GPX4: variants seen among roughly 807,000 people sequenced by gnomAD.
GPX4 encodes the protein phospholipid hydroperoxide glutathione peroxidase GPX4.
Under a neutral mutation model 27.8 loss-of-function variants are expected in GPX4, and 28 were observed. The observed-to-expected ratio is 1.01, with a 90% confidence interval of 0.75 to 1.38. GPX4 has a LOEUF of 1.38. GPX4 is among the 40% of genes most tolerant of loss of function. The probability of loss-of-function intolerance (pLI) is 0.00; values close to 1 mark genes in which losing one functional copy is unlikely to be tolerated. For missense variants in GPX4, 357 were observed against 274.1 expected (o/e 1.30, Z -2.14); for synonymous variants, 163 against 107.8 (o/e 1.51, Z -3.17).
chr19:1,106,343 G>A (rs1214959903), intron 5 of GPX4, 57 bp from the exon 6 acceptor site: 1 of 1,610,948 alleles, frequency 6.2e-7, no homozygotes, highest in East Asian at 2.2e-5. Flanking sequence ...GGACAGGAAG[G>A]GCAGCCTCAG....
intron 4 of GPX4, 45 bp from the exon 5 acceptor site, chr19:1,106,197 T>C: frequency 6.6e-7 from 1 of 1,516,912 alleles, no homozygotes. Context: ...TTGGGGACTG[T>C]GGGGGGCTGC....
At position 1,105,744 on chromosome 19, in the gene GPX4, G is replaced by C. The variant is rs773985714; in HGVS notation, c.411G>C (p.Gly137=). ...TGTTCAGCAAGATCTGCGTGAACGG[G>C]GACGACGCCCACCCGCTGTGGAAGT... is the stretch of plus-strand genomic sequence containing the variant. ...FDMFSKICVN[G]DDAHPLWKWM... Residue 137 remains glycine (G), a synonymous_variant, in exon 4 of 7, where the codon GGG becomes GGC. Transcript: ENST00000354171. 6.9e-6 allele frequency: 11 copies of C among 1,601,042 alleles called. No individual in the cohort carries two copies. The East Asian group carries it at 1.1e-4, about 16-fold the overall frequency.
At chr19:1,104,271 G>T in intron 1 of GPX4, 144 bp downstream of exon 1, 1 of 722,430 alleles carries the variant, frequency 1.4e-6, no homozygotes, top group Non-Finnish European at 2.0e-6. Context: ...CCCACCCCCG[G>T]CCGGGCACGG....
chr19:1,104,119 G>T lies in GPX4; in HGVS notation c.76G>T (p.Gly26Trp). ...CGALAAPGLA[G>W]TMCASRDDWR... ...GGCTCTGGCCGCGCCTGGCCTGGCC[G>T]GGACCATGGTGAGCTAGCGCCGCGG... Residue 26 changes from glycine (G) to tryptophan (W), a missense_variant, in exon 1 of 7, where the codon GGG becomes TGG. Physicochemically the swap from Gly to Trp is radical, Grantham distance 184. Transcript: ENST00000354171. 4.0e-6 allele frequency: 6 copies of T among 1,487,006 alleles called. No homozygotes were observed. The highest frequency in any genetic ancestry group is 2.7e-6 in the Non-Finnish European group (3 of 1,125,262). The allele number at this position is 1,487,006 out of a possible 1,614,324, so 92.1% of individuals were successfully genotyped here.
intron 4 of GPX4, 123 bp downstream of exon 4, chr19:1,105,932 A>ACT (rs959981456): frequency 1.7e-6 from 2 of 1,189,044 alleles, no homozygotes; most frequent in African/African-American, 3.2e-5. Flanking sequence ...AGGTGCTGGG[A>ACT]CTCTCACATC....
Position 1,105,525 on chromosome 19 carries a change from C to A in GPX4, c.324+15C>A, listed in dbSNP as rs8178972. ...TCGGGAAGCAGGTGGGCTGCTGCGT[C>A]CCCGGGGCCCGCAGAGGCGGGTGGG... On this transcript the variant is annotated intron_variant, in intron 3 of 6. Coordinates refer to ENST00000354171, the MANE Select transcript of GPX4 (RefSeq NM_002085.5). 4 of 1,611,698 alleles carry A rather than the reference C, an allele frequency of 2.5e-6. No homozygotes were observed. Among genetic ancestry groups the A allele is most frequent in the Admixed American group, 3.3e-5 (2 of 59,976 alleles).
rs773134735 is a variant in GPX4, at chr19:1,105,256, A to C, written c.155A>C (p.His52Pro). ...HEFSAKDIDGHMVNLDKYRGF... is the reference protein window; with the variant it reads ...HEFSAKDIDGPMVNLDKYRGF... ...TTTTCCGCCAAGGACATCGACGGGC[A>C]CATGGTTAACCTGGACAAGTACCGG... Residue 52 changes from histidine (H) to proline (P), a missense_variant, in exon 2 of 7, where the codon CAC becomes CCC. By Grantham distance (77) the His-to-Pro change is moderately conservative. Coordinates refer to ENST00000354171, the MANE Select transcript of GPX4 (RefSeq NM_002085.5). 6.2e-7 allele frequency: 1 copy of C among 1,613,054 alleles called. No homozygotes were observed.
At chr19:1,106,301 C>T (rs1194956781) in intron 5 of GPX4, 35 bp downstream of exon 5, 3 of 1,605,064 alleles carry the variant, frequency 1.9e-6, no homozygotes, top group Non-Finnish European at 2.6e-6. Flanking sequence ...GACCAGCTTC[C>T]CCTGGCCACA....
In GPX4 at chr19:1,106,757, G is replaced by C; in HGVS notation, c.*185G>C. 1 of 700,938 alleles carries C rather than the reference G, an allele frequency of 1.4e-6. No individual in the cohort carries two copies. Among genetic ancestry groups the C allele is most frequent in the South Asian group, 1.9e-5 (1 of 53,108 alleles). 43.4% of individuals were successfully genotyped at this position (700,938 alleles called of 1,614,324 possible). Reference sequence around the variant, plus strand: ...CGGCGCCCCCACCCCTGGCTACCTTGTGGGAATAAACAGACAAATTAGCCT... The same window carrying C: ...CGGCGCCCCCACCCCTGGCTACCTTCTGGGAATAAACAGACAAATTAGCCT... On this transcript the variant is annotated 3_prime_UTR_variant, in exon 7 of 7. Coordinates refer to ENST00000354171, the MANE Select transcript of GPX4 (RefSeq NM_002085.5).
intron 1 of GPX4, chr19:1,104,657 A>C (rs970055330): frequency 1.1e-5 from 11 of 984,910 alleles, no homozygotes; most frequent in Non-Finnish European, 1.3e-5. Flanking sequence ...CGCAGTCCTG[A>C]CTACGGCCTC....
In GPX4 at chr19:1,104,023, C is replaced by G; in HGVS notation, c.-21C>G. 2.0e-6 allele frequency: 3 copies of G among 1,516,510 alleles called. No homozygotes were observed. The highest frequency in any genetic ancestry group is 2.6e-6 in the Non-Finnish European group (3 of 1,138,288). The allele number at this position is 1,516,510 out of a possible 1,614,324, so 93.9% of individuals were successfully genotyped here. ...GTCGGCTGGACGAGGGGAGGAGCCG[C>G]TGGCTCCCAGCCCCGCCGCGATGAG... On this transcript the variant is annotated 5_prime_UTR_variant, in exon 1 of 7. Coordinates refer to ENST00000354171, the MANE Select transcript of GPX4 (RefSeq NM_002085.5).
In GPX4 at chr19:1,106,600, C is replaced by T. The variant is rs750709533; in HGVS notation, c.*28C>T. 11 of 1,612,758 alleles carry T rather than the reference C, an allele frequency of 6.8e-6. No individual in the cohort carries two copies. The African/African-American group carries it at 1.5e-4, about 22-fold the overall frequency. Reference sequence around the variant, plus strand: ...CCACAAGTGTGTGGCCCCGCCCGAGCCCCTGCCCACGCCCTTGGAGCCTTC... The same window carrying T: ...CCACAAGTGTGTGGCCCCGCCCGAGTCCCTGCCCACGCCCTTGGAGCCTTC... On this transcript the variant is annotated 3_prime_UTR_variant, in exon 7 of 7. Transcript: ENST00000354171.
chr19:1,105,477 C>A lies in GPX4; in HGVS notation c.291C>A (p.Ile97=). 1 of 1,612,720 alleles carries A rather than the reference C, an allele frequency of 6.2e-7. No individual in the cohort carries two copies. The highest frequency in any genetic ancestry group is 1.1e-5 in the South Asian group (1 of 91,078). Reference sequence around the variant, plus strand: ...GATACGCTGAGTGTGGTTTGCGGATCCTGGCCTTCCCGTGTAACCAGTTCG... The same window carrying A: ...GATACGCTGAGTGTGGTTTGCGGATACTGGCCTTCCCGTGTAACCAGTTCG... ...HARYAECGLR[I]LAFPCNQFGK... The change falls in exon 3 of 7, where the codon ATC becomes ATA. Residue 97 remains isoleucine, a synonymous_variant. Transcript: ENST00000354171.
rs769428770 is a variant in GPX4 at position 1,106,573 on chromosome 19, C to A, written c.*1C>A. 2 of 1,613,498 alleles carry A rather than the reference C, an allele frequency of 1.2e-6. No homozygotes were observed. Among genetic ancestry groups the A allele is most frequent in the East Asian group, 2.2e-5 (1 of 44,870 alleles). ...GAAGGACCTGCCCCACTATTTCTAGCTCCACAAGTGTGTGGCCCCGCCCGA... is the reference window on the plus strand; with the variant it reads ...GAAGGACCTGCCCCACTATTTCTAGATCCACAAGTGTGTGGCCCCGCCCGA... On this transcript the variant is annotated 3_prime_UTR_variant, in exon 7 of 7. Transcript: ENST00000354171.
In GPX4 at chr19:1,105,695, C is replaced by A; in HGVS notation, c.362C>A (p.Ala121Glu). ...GSNEEIKEFA[A>E]GYNVKFDMFS... ...AACGAAGAGATCAAAGAGTTCGCCG[C>A]GGGCTACAACGTCAAATTCGATATG... Residue 121 changes from alanine (A) to glutamate (E), a missense_variant, in exon 4 of 7, where the codon GCG becomes GAG. By Grantham distance (107) the Ala-to-Glu change is moderately radical (BLOSUM62 -1). Transcript: ENST00000354171. The A allele has an allele frequency of 6.2e-7, 1 of 1,612,378 alleles. No individual in the cohort carries two copies. Among genetic ancestry groups the A allele is most frequent in the South Asian group, 1.1e-5 (1 of 90,858 alleles).
rs562020484 is a variant in GPX4, at chr19:1,106,470, T to C, written c.561+11T>C. Reference sequence around the variant, plus strand: ...ATGGAGGAGCCCCTGGTAGGTCCTCTCTAGGGAGCCCGCTTGAGGCTCGGG... The same window carrying C: ...ATGGAGGAGCCCCTGGTAGGTCCTCCCTAGGGAGCCCGCTTGAGGCTCGGG... On this transcript the variant is annotated intron_variant, in intron 6 of 6. Coordinates refer to ENST00000354171, the MANE Select transcript of GPX4 (RefSeq NM_002085.5). 7.4e-6 allele frequency: 12 copies of C among 1,612,074 alleles called. No homozygotes were observed. In the South Asian group the frequency reaches 1.2e-4, roughly 16 times the overall value.
intron 1 of GPX4, chr19:1,104,443 G>C (rs1379396859): frequency 1.6e-5 from 6 of 372,982 alleles, no homozygotes; most frequent in South Asian, 8.9e-5. Flanking sequence ...GGCCGGGGTC[G>C]GGGGTCCAGG....
At position 1,104,591 on chromosome 19, in the gene GPX4, C is replaced by T; in HGVS notation, c.84+464C>T. ...AGGGCTGGAAATCCCGGATCACGCG[C>T]CCCCGGGCGCCGCCCCGCCCCCGCA... is the stretch of plus-strand genomic sequence containing the variant. On this transcript the variant is annotated intron_variant, in intron 1 of 6. Coordinates refer to ENST00000354171, the MANE Select transcript of GPX4 (RefSeq NM_002085.5). 4.1e-6 allele frequency: 4 copies of T among 974,106 alleles called. No homozygotes were observed. The South Asian group carries it at 1.9e-4, about 46-fold the overall frequency. The allele number at this position is 974,106 out of a possible 1,614,324, so 60.3% of individuals were successfully genotyped here.
At chr19:1,106,050 CCTGTGGGGGG>C in intron 4 of GPX4, 182 bp from the exon 5 acceptor site, 5 of 664,272 alleles carry the variant, frequency 7.5e-6, no homozygotes, top group Admixed American at 3.2e-5. Context: ...GGCTCGGGGG[CCTGTGGGGGG>C]CTGTTGGGAC....
Sources: allele counts gnomAD v4.1 joint callset, GRCh38; gene constraint gnomAD v4.1.1; transcripts MANE v1.5; gene names NCBI Gene and HGNC (gene_info 2026-07-23, HGNC 2026-07-21).